TMSB15B: variants seen among roughly 807,000 people sequenced by gnomAD.
The protein encoded by TMSB15B is thymosin beta 15B, also known as thymosin beta-15B.
chrX:103,939,026 G>T (rs1556322995), intron 1 of TMSB15B, among the ~76,000 whole-genome samples: 1 of 112,195 alleles, frequency 8.9e-6, no homozygotes, highest in Non-Finnish European at 1.9e-5. Flanking sequence ...GAGATTTGTT[G>T]TTAGTCTAAT....
At chrX:103,930,983 T>C (rs1556319873) in intron 1 of TMSB15B, 2 of 111,402 alleles carry the variant, frequency 1.8e-5, no homozygotes, top group East Asian at 5.6e-4. Context: ...ATCTCCTTAC[T>C]GAACCAAATT....
chrX:103,951,853 TA>T (rs1392967790), intron 1 of TMSB15B, among the ~76,000 whole-genome samples: 1 of 110,645 alleles, frequency 9.0e-6, no homozygotes, highest in Non-Finnish European at 1.9e-5. Flanking sequence ...TGAAAGAAAA[TA>T]GGGTCCAAAG....
chrX:103,945,166 A>G (rs1451991540), intron 1 of TMSB15B, among the ~76,000 whole-genome samples: 4 of 112,857 alleles, frequency 3.5e-5, no homozygotes, highest in African/African-American at 1.3e-4. Context: ...CTTTATTTAC[A>G]ATTGTATACC....
intron 1 of TMSB15B, among the ~76,000 whole-genome samples, chrX:103,933,304 C>T (rs1401748181): frequency 9.0e-6 from 1 of 110,743 alleles, no homozygotes; most frequent in Non-Finnish European, 1.9e-5. Flanking sequence ...TATCATCTTT[C>T]TTCCCTCAAA....
At chrX:103,937,909 C>A (rs1556322477) in intron 1 of TMSB15B, among the ~76,000 whole-genome samples, 1 of 111,637 alleles carries the variant, frequency 9.0e-6, no homozygotes, top group Non-Finnish European at 1.9e-5. Flanking sequence ...TTTATGTCTG[C>A]CTTAATTTCA....
chrX:103,924,366 A>G (rs2074962263), intron 1 of TMSB15B, among the ~76,000 whole-genome samples: 1 of 111,279 alleles, frequency 9.0e-6, no homozygotes, highest in Non-Finnish European at 1.9e-5. Context: ...TCACTCCTCT[A>G]CTTAACAAGA....
intron 1 of TMSB15B, among the ~76,000 whole-genome samples, chrX:103,920,017 T>C (rs1436240146): frequency 1.8e-5 from 2 of 111,946 alleles, no homozygotes; most frequent in Non-Finnish European, 3.8e-5. Flanking sequence ...GCAACCTTTA[T>C]GGTGCCCATT....
intron 1 of TMSB15B, chrX:103,928,488 A>G (rs1166425430): frequency 8.3e-7 from 1 of 1,201,527 alleles, no homozygotes; most frequent in African/African-American, 1.8e-5. Flanking sequence ...AGGCTGTGGC[A>G]CTCAGCCCCT....
intron 1 of TMSB15B, among the ~76,000 whole-genome samples, chrX:103,925,374 G>A: frequency 8.9e-6 from 1 of 112,281 alleles, no homozygotes; most frequent in Non-Finnish European, 1.9e-5. Flanking sequence ...GGAAAGGATT[G>A]GATTTATACA....
intron 1 of TMSB15B, among the ~76,000 whole-genome samples, chrX:103,920,516 T>C (rs150695094): frequency 0.014 from 1,611 of 112,002 alleles, 27 homozygotes; most frequent in African/African-American, 0.049. Flanking sequence ...GCATATCTGT[T>C]ATGAAATGTA....
chrX:103,926,244 C>T (rs1329834480), intron 1 of TMSB15B, among the ~76,000 whole-genome samples: 3 of 108,646 alleles, frequency 2.8e-5, no homozygotes, highest in African/African-American at 1.0e-4. Flanking sequence ...GCCTCCATGT[C>T]TCTCCACCAA....
At chrX:103,929,510 C>T (rs1275582727) in intron 1 of TMSB15B, among the ~76,000 whole-genome samples, 1 of 111,128 alleles carries the variant, frequency 9.0e-6, no homozygotes, top group Non-Finnish European at 1.9e-5. Context: ...TCTACCACCA[C>T]CTCTCACTTC....
chrX:103,940,419 G>A (rs1347599130), intron 1 of TMSB15B, among the ~76,000 whole-genome samples: 2 of 111,947 alleles, frequency 1.8e-5, no homozygotes, highest in African/African-American at 3.2e-5. Context: ...AGTGGGCTCC[G>A]CCCAGTTAGA....
At chrX:103,924,630 A>T (rs1196026065) in intron 1 of TMSB15B, among the ~76,000 whole-genome samples, 1 of 111,654 alleles carries the variant, frequency 9.0e-6, no homozygotes, top group East Asian at 2.8e-4. Flanking sequence ...ACCCCCAATG[A>T]TTTAGTGGAT....
chrX:103,949,127 G>A (rs1229143828), intron 1 of TMSB15B, among the ~76,000 whole-genome samples: 10 of 110,748 alleles, frequency 9.0e-5, no homozygotes, highest in Non-Finnish European at 1.7e-4. Flanking sequence ...GAGTGAGCCC[G>A]GGCTGTTTGT....
At chrX:103,928,441 C>T (rs782719343) in intron 1 of TMSB15B, 145 of 1,202,162 alleles carry the variant, frequency 1.2e-4, no homozygotes, top group South Asian at 3.5e-4. Context: ...CACCCTGGGA[C>T]GCCACTGGGC....
chrX:103,947,477 A>T (rs1226364408), intron 1 of TMSB15B, among the ~76,000 whole-genome samples: 2 of 111,627 alleles, frequency 1.8e-5, no homozygotes, highest in Non-Finnish European at 3.8e-5. Flanking sequence ...ATTTATCAAG[A>T]TATACACCTA....
intron 1 of TMSB15B, among the ~76,000 whole-genome samples, chrX:103,925,562 A>G (rs187436326): frequency 5.5e-4 from 62 of 112,373 alleles, no homozygotes; most frequent in South Asian, 3.4e-3. Context: ...GGAGATGACT[A>G]CAAATTATTT....
rs782617629 is a variant in TMSB15B at position 103,945,392 on chromosome X, G to A, written c.-720-16629G>A. 4.7e-3 allele frequency among the ~76,000 whole-genome samples: 527 copies of A among 111,830 alleles called. 1 individual carries two copies. Among genetic ancestry groups the A allele is most frequent in the Non-Finnish European group, 7.5e-3 (398 of 53,196 alleles). On this transcript the variant is annotated intron_variant, in intron 1 of 3. Coordinates refer to the TMSB15B transcript ENST00000419165. ...AAAACATGGCAGAGAAATGGAAGGGGAACCAGGTCCCTGCAAAGAGAGTAA... is the reference window on the plus strand; with the variant it reads ...AAAACATGGCAGAGAAATGGAAGGGAAACCAGGTCCCTGCAAAGAGAGTAA...
Sources: allele counts gnomAD v4.1 joint callset (sites outside exome capture counted in the v4.1 genomes callset), GRCh38; gene constraint gnomAD v4.1.1; transcripts MANE v1.5; gene names NCBI Gene and HGNC (gene_info 2026-07-23, HGNC 2026-07-21).